Variants in NELL1 observed in about 807,000 individuals in gnomAD.
The protein encoded by NELL1 is neural EGFL like 1.
A neutral mutation model predicts 107.4 loss-of-function variants in NELL1; 76 were observed. The observed-to-expected ratio is 0.71, with a 90% CI of 0.59 to 0.86. The LOEUF is 0.86. Among genes scored for constraint, NELL1 ranks in the 40% least tolerant of loss-of-function variants. The probability of loss-of-function intolerance (pLI) is 0.00; values close to 1 mark genes in which losing one functional copy is unlikely to be tolerated. For synonymous variants in NELL1, 353 were observed against 341.2 expected (o/e 1.03, Z -0.38); for missense variants, 1,024 against 1,005.5 (o/e 1.02, Z -0.25).
At chr11:21,546,661 G>A (rs893228258) in intron 16 of NELL1, among the ~76,000 whole-genome samples, 4 of 151,920 alleles carry the variant, frequency 2.6e-5, no homozygotes, top group African/African-American at 9.7e-5. Context: ...TCATCATGAT[G>A]GTGAGGCCTC....
intron 15 of NELL1, among the ~76,000 whole-genome samples, chr11:21,403,252 A>G (rs537381284): frequency 6.6e-6 from 1 of 151,656 alleles, no homozygotes; most frequent in Non-Finnish European, 1.5e-5. Flanking sequence ...CTGAGGTCTC[A>G]TGGGGCACAA....
At chr11:20,937,579 C>A (rs1018379307) in intron 9 of NELL1, among the ~76,000 whole-genome samples, 2 of 152,200 alleles carry the variant, frequency 1.3e-5, no homozygotes, top group African/African-American at 4.8e-5. Flanking sequence ...GCTGTAAAGG[C>A]CAGGCAAACA....
chr11:21,246,820 A>C (rs953765724), intron 14 of NELL1, among the ~76,000 whole-genome samples: 2 of 152,198 alleles, frequency 1.3e-5, no homozygotes, highest in South Asian at 2.1e-4. Flanking sequence ...GGCAAAAGGC[A>C]AAAGGCACAC....
chr11:21,515,402 A>G (rs1855532320), intron 15 of NELL1, among the ~76,000 whole-genome samples: 1 of 152,200 alleles, frequency 6.6e-6, no homozygotes, highest in African/African-American at 2.4e-5. Flanking sequence ...CCACTGCAAC[A>G]TGTTTAACTA....
chr11:20,797,565 C>CAAAAAAAAAAAAAA (rs35016707), intron 3 of NELL1, among the ~76,000 whole-genome samples: 2 of 69,298 alleles, frequency 2.9e-5, no homozygotes, highest in Admixed American at 1.9e-4. Flanking sequence ...GACTCCATCT[C>CAAAAAAAAAAAAAA]AAAAAAAAAA....
At chr11:20,876,532 G>A (rs7939785) in intron 4 of NELL1, among the ~76,000 whole-genome samples, 15,557 of 152,198 alleles carry the variant, frequency 0.1, 1,049 homozygotes, top group Admixed American at 0.21. Context: ...TTGGGAGGCC[G>A]AGGCGGTGGA....
intron 14 of NELL1, among the ~76,000 whole-genome samples, chr11:21,252,788 A>C (rs1267944888): frequency 1.3e-5 from 2 of 152,314 alleles, no homozygotes; most frequent in African/African-American, 4.8e-5. Context: ...TAAGAAGGTC[A>C]TTAAGAATAA....
At chr11:21,435,943 GAATTCATAGTA>G (rs1284216299) in intron 15 of NELL1, among the ~76,000 whole-genome samples, 2 of 152,036 alleles carry the variant, frequency 1.3e-5, no homozygotes, top group Non-Finnish European at 2.9e-5. Flanking sequence ...AATTTTAATA[GAATTCATAGTA>G]AAGCAATCAG....
At chr11:20,801,369 C>G (rs1025245282) in intron 3 of NELL1, among the ~76,000 whole-genome samples, 1 of 152,136 alleles carries the variant, frequency 6.6e-6, no homozygotes, top group Non-Finnish European at 1.5e-5. Flanking sequence ...AATGCAAAGC[C>G]CCATCTGAAG....
intron 15 of NELL1, among the ~76,000 whole-genome samples, chr11:21,391,585 C>A (rs1564872304): frequency 6.6e-6 from 1 of 151,466 alleles, no homozygotes; most frequent in Non-Finnish European, 1.5e-5. Flanking sequence ...GGAGACATTT[C>A]ATCAACATTA....
chr11:21,350,566 C>T (rs77753564), intron 14 of NELL1, among the ~76,000 whole-genome samples: 1 of 152,248 alleles, frequency 6.6e-6, no homozygotes, highest in African/African-American at 2.4e-5. Context: ...CTGAGTGACT[C>T]TTCTGGCAGG....
intron 13 of NELL1, among the ~76,000 whole-genome samples, chr11:21,213,535 G>C (rs117860784): frequency 2.5e-3 from 387 of 152,100 alleles, no homozygotes; most frequent in East Asian, 0.017. Context: ...TGAATCAATT[G>C]AATTGAATTT....
chr11:21,482,904 AC>A (rs1303622269), intron 15 of NELL1, among the ~76,000 whole-genome samples: 7 of 152,236 alleles, frequency 4.6e-5, no homozygotes, highest in Non-Finnish European at 8.8e-5. Flanking sequence ...ACATTTATAT[AC>A]CTGAAAATTG....
At chr11:20,973,160 G>A (rs1851535407) in intron 12 of NELL1, among the ~76,000 whole-genome samples, 1 of 143,908 alleles carries the variant, frequency 6.9e-6, no homozygotes, top group African/African-American at 2.6e-5. Context: ...CCAGGCTGGA[G>A]TGCAATGGCA....
intron 3 of NELL1, among the ~76,000 whole-genome samples, chr11:20,798,528 T>G (rs1857219804): frequency 6.6e-6 from 1 of 152,210 alleles, no homozygotes; most frequent in Admixed American, 6.5e-5. Context: ...TTCTTTGACA[T>G]CCTTTGGAAT....
At position 21,051,905 on chromosome 11, in the gene NELL1, A is replaced by G. The variant is rs538780034; in HGVS notation, c.1301-61684A>G. 5.1e-4 allele frequency among the ~76,000 whole-genome samples: 78 copies of G among 152,296 alleles called. 2 individuals carry two copies. The highest frequency in any genetic ancestry group is 1.0e-4 in the Non-Finnish European group (7 of 68,022). On this transcript the variant is annotated intron_variant, in intron 12 of 19. Coordinates refer to ENST00000357134, the MANE Select transcript of NELL1 (RefSeq NM_006157.5). ...GGGGATTACATCCTAGCAAGAGTAA[A>G]TAGAAAATAAACATAATAGATAAGT... is the stretch of plus-strand genomic sequence containing the variant.
intron 12 of NELL1, among the ~76,000 whole-genome samples, chr11:21,077,963 T>C (rs1382734707): frequency 6.6e-6 from 1 of 152,016 alleles, no homozygotes; most frequent in African/African-American, 2.4e-5. Context: ...TAGTAAATTA[T>C]ATAATAACAT....
chr11:21,467,448 G>A (rs908498914), intron 15 of NELL1, among the ~76,000 whole-genome samples: 1 of 151,998 alleles, frequency 6.6e-6, no homozygotes, highest in African/African-American at 2.4e-5. Flanking sequence ...ATATAGACAT[G>A]GAAGTGCATA....
intron 17 of NELL1, among the ~76,000 whole-genome samples, chr11:21,569,487 T>C (rs900687804): frequency 1.3e-5 from 2 of 151,440 alleles, no homozygotes; most frequent in African/African-American, 4.9e-5. Context: ...ATGATGATGA[T>C]GATGATATAT....
Sources: gnomAD v4.1 joint callset for allele counts (sites outside exome capture counted in the v4.1 genomes callset) on GRCh38, gnomAD v4.1.1 for gene constraint, MANE v1.5 for transcripts, NCBI Gene and HGNC (gene_info 2026-07-23, HGNC 2026-07-21) for gene names.